RRM2: variants seen among roughly 807,000 people sequenced by gnomAD.
The protein encoded by RRM2 is ribonucleotide reductase regulatory subunit M2.
Under a neutral mutation model 45.9 loss-of-function variants are expected in RRM2, and 6 were observed. The ratio of observed to expected loss-of-function variants is 0.13; its 90% CI spans 0.07 to 0.26. The LOEUF (loss-of-function observed/expected upper bound fraction) is 0.26. RRM2 is among the 10% of genes least tolerant of loss of function. RRM2 has a pLI of 1.00. For synonymous variants in RRM2, 177 were observed against 173.0 expected, an observed-to-expected ratio of 1.02 and a Z score of -0.18; for missense variants, 343 against 489.5, an observed-to-expected ratio of 0.70 and a Z score of 2.82.
intron 3 of RRM2, chr2:10,198,834 G>C (rs557131345): frequency 6.6e-6 from 1 of 152,228 alleles, no homozygotes; most frequent in East Asian, 1.9e-4. Flanking sequence ...TCAGAGGAGT[G>C]TTTGATTTCG....
intron 3 of RRM2, among the ~76,000 whole-genome samples, chr2:10,159,093 T>C (rs1021737258): frequency 6.6e-6 from 1 of 151,924 alleles, no homozygotes; most frequent in Non-Finnish European, 1.5e-5. Context: ...AAATTGGCCC[T>C]AATTTTTGTT....
intron 5 of RRM2, chr2:10,126,603 T>G: frequency 2.3e-6 from 1 of 441,994 alleles, no homozygotes. Context: ...TACTGGACTA[T>G]GTTTTACTGT....
upstream of RRM2, among the ~76,000 whole-genome samples, chr2:10,138,207 G>C (rs1025582615): frequency 1.4e-5 from 2 of 138,994 alleles, no homozygotes; most frequent in African/African-American, 5.5e-5. Flanking sequence ...CTCCCTTGTT[G>C]CCCAGGTTGG....
intron 3 of RRM2, among the ~76,000 whole-genome samples, chr2:10,160,940 C>T (rs1039128397): frequency 2.0e-5 from 3 of 152,222 alleles, no homozygotes; most frequent in African/African-American, 7.2e-5. Context: ...ACCCCCAGCC[C>T]TGCCTCTCTG....
At chr2:10,150,378 T>G (rs1478423481) in intron 3 of RRM2, among the ~76,000 whole-genome samples, 1 of 143,820 alleles carries the variant, frequency 7.0e-6, no homozygotes, top group Non-Finnish European at 1.5e-5. Context: ...ATCTGGGAGG[T>G]GGAAGTTGCA....
intron 3 of RRM2, among the ~76,000 whole-genome samples, chr2:10,160,976 C>G (rs1179709947): frequency 6.6e-6 from 1 of 152,214 alleles, no homozygotes; most frequent in Non-Finnish European, 1.5e-5. Context: ...GCTGGTCGCT[C>G]CGTCCTTCCG....
chr2:10,123,878 C>T, intron 4 of RRM2, 26 bp downstream of exon 4: 2 of 1,283,648 alleles, frequency 1.6e-6, no homozygotes, highest in Non-Finnish European at 2.3e-6. Flanking sequence ...ATCTTTCATT[C>T]ATTTGACGTT....
chr2:10,187,347 C>T (rs897757187), intron 3 of RRM2, among the ~76,000 whole-genome samples: 5 of 152,176 alleles, frequency 3.3e-5, no homozygotes, highest in East Asian at 1.9e-4. Context: ...GCCACGGTGC[C>T]GCAGGCTCAG....
At chr2:10,201,833 C>T (rs759095653) in intron 3 of RRM2, among the ~76,000 whole-genome samples, 14 of 152,142 alleles carry the variant, frequency 9.2e-5, no homozygotes, top group Non-Finnish European at 2.1e-4. Context: ...AAATATAGCC[C>T]AAAGAAAGCC....
rs528115820 is a variant in RRM2, at chr2:10,168,464, A to G, written n.482+26089A>G. On this transcript the variant is annotated intron_variant and non_coding_transcript_variant, in intron 3 of 3. Coordinates refer to the RRM2 transcript ENST00000381786. Reference sequence around the variant, plus strand: ...GGAGTGAAGCTGCCTCTTCTTGAAGAGGGGGTTTATGGCAGCCTCACTCCC... The same window carrying G: ...GGAGTGAAGCTGCCTCTTCTTGAAGGGGGGGTTTATGGCAGCCTCACTCCC... Among the ~76,000 whole-genome samples, 4 of 152,174 alleles carry G rather than the reference A, an allele frequency of 2.6e-5. No homozygotes were observed. In the East Asian group the frequency reaches 7.7e-4, roughly 29 times the overall value.
chr2:10,138,796 C>T (rs1663032773), upstream of RRM2, among the ~76,000 whole-genome samples: 1 of 152,136 alleles, frequency 6.6e-6, no homozygotes, highest in African/African-American at 2.4e-5. Context: ...ACGTGCCATT[C>T]AGTTTGCCCA....
chr2:10,174,419 C>T (rs1210640122), intron 3 of RRM2, among the ~76,000 whole-genome samples: 3 of 152,132 alleles, frequency 2.0e-5, no homozygotes, highest in South Asian at 2.1e-4. Context: ...GTGAGCTCCC[C>T]GGGTAGGTGA....
intron 3 of RRM2, among the ~76,000 whole-genome samples, chr2:10,176,428 C>T (rs1441585819): frequency 6.6e-6 from 1 of 152,132 alleles, no homozygotes; most frequent in Admixed American, 6.6e-5. Context: ...GCCACCATGC[C>T]CGGCTAATTT....
chr2:10,173,156 A>T (rs749928969), intron 3 of RRM2, among the ~76,000 whole-genome samples: 6 of 152,130 alleles, frequency 3.9e-5, no homozygotes, highest in Non-Finnish European at 5.9e-5. Flanking sequence ...TGGGGAGATA[A>T]ATAGCCCCTA....
intron 3 of RRM2, among the ~76,000 whole-genome samples, chr2:10,165,437 C>T (rs1034499976): frequency 1.3e-5 from 2 of 152,146 alleles, no homozygotes; most frequent in East Asian, 1.9e-4. Flanking sequence ...GGACAGGGGC[C>T]CTGTGTGGAA....
At chr2:10,126,153 T>A (rs1662773365) in intron 5 of RRM2, among the ~76,000 whole-genome samples, 1 of 117,358 alleles carries the variant, frequency 8.5e-6, no homozygotes. Context: ...AGTGAGACCC[T>A]CATCTCTTTA....
In RRM2 at chr2:10,201,258, G is replaced by A. The variant is rs190813728; in HGVS notation, n.483-9053G>A. 8.5e-3 allele frequency among the ~76,000 whole-genome samples: 1,292 copies of A among 152,194 alleles called. 14 individuals are homozygous for A. Among genetic ancestry groups the A allele is most frequent in the Admixed American group, 0.015 (232 of 15,286 alleles). On this transcript the variant is annotated intron_variant and non_coding_transcript_variant, in intron 3 of 3. Transcript: ENST00000381786. ...ATACTCACAGGTAGTTTCCAGACTC[G>A]GGAGAAAACCAGGCAGAGAGAAATA...
chr2:10,207,248 A>T (rs1664680806), intron 3 of RRM2, among the ~76,000 whole-genome samples: 1 of 151,660 alleles, frequency 6.6e-6, no homozygotes, highest in Non-Finnish European at 1.5e-5. Context: ...TTTGCCTCCT[A>T]ATCTCTTTCA....
upstream of RRM2, among the ~76,000 whole-genome samples, chr2:10,139,049 A>G (rs1663037436): frequency 6.6e-6 from 1 of 152,132 alleles, no homozygotes; most frequent in Non-Finnish European, 1.5e-5. Flanking sequence ...TGGCGGTTGT[A>G]GTGAGTAGAG....
Sources: gnomAD v4.1 joint callset for allele counts (sites outside exome capture counted in the v4.1 genomes callset) on GRCh38, gnomAD v4.1.1 for gene constraint, MANE v1.5 for transcripts, NCBI Gene and HGNC (gene_info 2026-07-23, HGNC 2026-07-21) for gene names.